Variants in CSMD2 observed in about 807,000 individuals in gnomAD.
CSMD2 encodes the protein CUB and sushi domain-containing protein 2.
Under a neutral mutation model 398.5 loss-of-function variants are expected in CSMD2, and 130 were observed. The ratio of observed to expected loss-of-function variants is 0.33; its 90% CI spans 0.28 to 0.38. The LOEUF is 0.38. CSMD2 is among the 10% of genes least tolerant of loss of function. The pLI is 1.00. For missense variants in CSMD2, 3,829 were observed against 4,764.9 expected, an observed-to-expected ratio of 0.80 and a Z score of 5.78; for synonymous variants, 1,828 against 1,908.5, an observed-to-expected ratio of 0.96 and a Z score of 1.10.
chr1:33,608,683 G>A (rs547448291), intron 41 of CSMD2, among the ~76,000 whole-genome samples: 1 of 152,294 alleles, frequency 6.6e-6, no homozygotes, highest in African/African-American at 2.4e-5. Flanking sequence ...TGAAGCCAGA[G>A]GTCGGGGTGA....
At chr1:34,108,631 G>A (rs1485249747) in intron 1 of CSMD2, among the ~76,000 whole-genome samples, 2 of 152,182 alleles carry the variant, frequency 1.3e-5, no homozygotes, top group Non-Finnish European at 2.9e-5. Flanking sequence ...GAACTACAAT[G>A]ATAAGAAAGT....
intron 1 of CSMD2, among the ~76,000 whole-genome samples, chr1:34,144,066 A>T (rs1639547164): frequency 6.6e-6 from 1 of 151,064 alleles, no homozygotes. Flanking sequence ...GGGCCAGATG[A>T]TCAATGTCTT....
At chr1:33,584,947 G>A (rs1638977470) in intron 46 of CSMD2, among the ~76,000 whole-genome samples, 1 of 152,306 alleles carries the variant, frequency 6.6e-6, no homozygotes, top group Admixed American at 6.5e-5. Flanking sequence ...GAGGGAAGCT[G>A]CTGGTTCAGA....
chr1:33,833,221 T>A (rs1304301530), intron 6 of CSMD2, among the ~76,000 whole-genome samples: 15 of 112,644 alleles, frequency 1.3e-4, no homozygotes, highest in Non-Finnish European at 2.4e-4. Flanking sequence ...TAGACCAATA[T>A]CCTTGATGAA....
Position 33,636,378 on chromosome 1 carries a change from G to T in CSMD2, c.4951C>A (p.Pro1651Thr). 1.2e-6 allele frequency: 2 copies of T among 1,611,122 alleles called. No homozygotes were observed. The highest frequency in any genetic ancestry group is 1.7e-6 in the Non-Finnish European group (2 of 1,178,702). ...GPDGKPVWNNPRPVCTAPCGG... is the reference protein window; with the variant it reads ...GPDGKPVWNNTRPVCTAPCGG... ...CCACCACCTGTGCAGACTGGCCGGGGATTGTTCCACACGGGCTTCCCATCA... is the reference window on the plus strand; with the variant it reads ...CCACCACCTGTGCAGACTGGCCGGGTATTGTTCCACACGGGCTTCCCATCA... Residue 1651 changes from proline (P) to threonine (T), a missense_variant, in exon 30 of 71, where the codon CCC becomes ACC. By Grantham distance (38) the Pro-to-Thr change is conservative (BLOSUM62 -1). Transcript: ENST00000373381. This position sits in a 1 kb window ranked among gnomAD's most constrained non-coding sequence, Gnocchi z 4.8.
chr1:33,874,251 A>G (rs1163219854), intron 5 of CSMD2, among the ~76,000 whole-genome samples: 1 of 152,220 alleles, frequency 6.6e-6, no homozygotes, highest in Admixed American at 6.5e-5. Flanking sequence ...GTAAGAAATA[A>G]TTCATTGCAG....
intron 1 of CSMD2, among the ~76,000 whole-genome samples, chr1:34,123,617 C>T (rs968281910): frequency 2.0e-5 from 3 of 151,912 alleles, no homozygotes; most frequent in African/African-American, 4.8e-5. Flanking sequence ...GGGGGAGTCT[C>T]GGGAACTGAG....
At position 33,698,896 on chromosome 1, in the gene CSMD2, T is replaced by C. The variant is rs1477428345; in HGVS notation, c.3782A>G (p.Tyr1261Cys). 1 of 1,614,058 alleles carries C rather than the reference T, an allele frequency of 6.2e-7. No homozygotes were observed. Among genetic ancestry groups the C allele is most frequent in the African/African-American group, 1.3e-5 (1 of 74,932 alleles). ...AAAATGACCTTCATCATGAACCTTG[T>C]AGCCAAACTTGGGGGTTCCTGGGTC... Reference protein sequence around the residue: ...CEDPGTPKFGYKVHDEGHFAG... With the variant: ...CEDPGTPKFGCKVHDEGHFAG... The change falls in exon 24 of 71, where the codon TAC (tyrosine) becomes TGC (cysteine). Residue 1261 changes from tyrosine (Y) to cysteine (C), a missense_variant. By Grantham distance (194) the Tyr-to-Cys change is radical. Coordinates refer to ENST00000373381, the MANE Select transcript of CSMD2 (RefSeq NM_001281956.2).
intron 6 of CSMD2, among the ~76,000 whole-genome samples, chr1:33,843,767 GGA>G (rs1220493983): frequency 6.6e-6 from 1 of 152,192 alleles, no homozygotes; most frequent in Non-Finnish European, 1.5e-5. Context: ...GAGAGAGAGA[GGA>G]GAGAGGTCAA....
Position 33,579,740 on chromosome 1 carries a change from G to A in CSMD2, c.7387+1013C>T, listed in dbSNP as rs113029249. Among the ~76,000 whole-genome samples the A allele has an allele frequency of 3.1e-3, 465 of 151,314 alleles. 1 individual carries two copies. Among genetic ancestry groups the A allele is most frequent in the African/African-American group, 9.8e-3 (402 of 41,170 alleles). ...GTTGCCCAGGCTGGAGTGCAGTAGC[G>A]TGATCTCGGCTCACTGCAACCTCCA... is the stretch of plus-strand genomic sequence containing the variant. On this transcript the variant is annotated intron_variant, in intron 48 of 70. Transcript: ENST00000373381.
At chr1:33,910,446 G>T (rs1029978757) in intron 5 of CSMD2, among the ~76,000 whole-genome samples, 1 of 152,132 alleles carries the variant, frequency 6.6e-6, no homozygotes, top group Non-Finnish European at 1.5e-5. Flanking sequence ...CAGCATCACC[G>T]CCCTCTTACA....
chr1:34,007,163 T>A (rs1183212473), intron 3 of CSMD2, among the ~76,000 whole-genome samples: 1 of 151,156 alleles, frequency 6.6e-6, no homozygotes, highest in Non-Finnish European at 1.5e-5. Context: ...GACCTGAAGC[T>A]CCCTCTCTGT....
chr1:33,940,958 C>T (rs1214912378), intron 3 of CSMD2, among the ~76,000 whole-genome samples: 2 of 152,152 alleles, frequency 1.3e-5, no homozygotes, highest in African/African-American at 4.8e-5. Context: ...AGCTACAAAG[C>T]GAATCCTTTC....
chr1:33,664,308 C>G (rs774166402), intron 25 of CSMD2, among the ~76,000 whole-genome samples: 2 of 152,050 alleles, frequency 1.3e-5, no homozygotes, highest in Non-Finnish European at 2.9e-5. Flanking sequence ...ATGTAGTTTT[C>G]TATAACTTTC....
At chr1:33,882,530 A>G (rs1641305809) in intron 5 of CSMD2, among the ~76,000 whole-genome samples, 1 of 152,216 alleles carries the variant, frequency 6.6e-6, no homozygotes. Context: ...TTAGGCTGGC[A>G]TTAGTGATAA....
chr1:34,049,835 T>C (rs1231299997), intron 2 of CSMD2, among the ~76,000 whole-genome samples: 1 of 152,168 alleles, frequency 6.6e-6, no homozygotes, highest in Non-Finnish European at 1.5e-5. Context: ...AAAGTTTATA[T>C]GTTGAATTGG....
At chr1:34,071,337 G>A (rs1375640507) in intron 2 of CSMD2, among the ~76,000 whole-genome samples, 1 of 152,228 alleles carries the variant, frequency 6.6e-6, no homozygotes, top group Non-Finnish European at 1.5e-5. Flanking sequence ...TCTTTACCAT[G>A]TCATCTAGGC....
intron 29 of CSMD2, among the ~76,000 whole-genome samples, chr1:33,642,691 C>G (rs570391980): frequency 6.6e-5 from 10 of 152,294 alleles, no homozygotes; most frequent in Non-Finnish European, 1.3e-4. Context: ...AACCTTTTAG[C>G]TTAAGTTACT....
intron 26 of CSMD2, among the ~76,000 whole-genome samples, chr1:33,658,678 A>G (rs907103693): frequency 3.3e-5 from 5 of 152,186 alleles, no homozygotes; most frequent in African/African-American, 9.7e-5. Context: ...CCTGAGCAAC[A>G]CAGCAAGACC....
Sources: allele counts gnomAD v4.1 joint callset (sites outside exome capture counted in the v4.1 genomes callset), GRCh38; gene constraint gnomAD v4.1.1; non-coding constraint Gnocchi (gnomAD v3.1); transcripts MANE v1.5; gene names NCBI Gene and HGNC (gene_info 2026-07-23, HGNC 2026-07-21).